Variants in BNC2 observed in about 807,000 individuals in gnomAD.
The protein encoded by BNC2 is basonuclin zinc finger protein 2.
Under a neutral mutation model 76.3 loss-of-function variants are expected in BNC2, and 20 were observed. The ratio of observed to expected loss-of-function variants is 0.26; its 90% confidence interval spans 0.18 to 0.38. The LOEUF (loss-of-function observed/expected upper bound fraction) is 0.38. Among genes scored for constraint, BNC2 ranks in the 10% least tolerant of loss-of-function variants. BNC2 has a pLI of 1.00. For missense variants in BNC2, 1,382 were observed against 1,399.8 expected (o/e 0.99, Z 0.20); for synonymous variants, 582 against 514.8 (o/e 1.13, Z -1.77).
In BNC2 at chr9:16,538,612, C is replaced by T. The variant is rs564573724; in HGVS notation, c.669+13918G>A. ...TTTAAGGAATGGGAAGGAAATATAT[C>T]TTTTGCTGCTTACCTTCTATAATCT... On this transcript the variant is annotated intron_variant, in intron 5 of 6. Coordinates refer to ENST00000380672, the MANE Select transcript of BNC2 (RefSeq NM_017637.6). 2.6e-5 allele frequency among the ~76,000 whole-genome samples: 4 copies of T among 152,140 alleles called. No homozygotes were observed. The South Asian group carries it at 8.3e-4, about 31-fold the overall frequency.
At chr9:16,558,933 C>CAAAAAA (rs574756487) in intron 4 of BNC2, among the ~76,000 whole-genome samples, 2 of 81,226 alleles carry the variant, frequency 2.5e-5, no homozygotes, top group African/African-American at 8.7e-5. Context: ...GACTCCGTCT[C>CAAAAAA]AAAAAAAAAA....
Position 16,485,549 on chromosome 9 carries a change from C to T in BNC2, c.670-48025G>A, listed in dbSNP as rs542494920. On this transcript the variant is annotated intron_variant, in intron 5 of 6. Transcript: ENST00000380672. ...AGGGATCATATAGGCTCTGTCAGGG[C>T]CGGTCCTCCACCCCACTGGGCTCAT... is the stretch of plus-strand genomic sequence containing the variant. Among the ~76,000 whole-genome samples, 18 of 152,310 alleles carry T rather than the reference C, an allele frequency of 1.2e-4. No homozygotes were observed. In the East Asian group the frequency reaches 3.5e-3, roughly 29 times the overall value.
At chr9:16,471,473 T>C (rs977863506) in intron 5 of BNC2, among the ~76,000 whole-genome samples, 2 of 152,104 alleles carry the variant, frequency 1.3e-5, no homozygotes, top group African/African-American at 4.8e-5. Flanking sequence ...TTTGTAGTTT[T>C]AGTAGAGACA....
intron 3 of BNC2, among the ~76,000 whole-genome samples, chr9:16,680,285 T>C (rs892803414): frequency 1.3e-5 from 2 of 152,168 alleles, no homozygotes; most frequent in South Asian, 2.1e-4. Flanking sequence ...AAAACAGGCT[T>C]CACACTTTTT....
Position 16,640,725 on chromosome 9 carries a change from C to G in BNC2, c.331-57640G>C, listed in dbSNP as rs561321543. Among the ~76,000 whole-genome samples, 4 of 152,194 alleles carry G rather than the reference C, an allele frequency of 2.6e-5. No individual in the cohort carries two copies. The East Asian group carries it at 7.7e-4, about 29-fold the overall frequency. On this transcript the variant is annotated intron_variant, in intron 3 of 6. Transcript: ENST00000380672. Reference sequence around the variant, plus strand: ...CCCTATACACCCTTCAGAAATACCCCAACAGGAGGCATCAAATTTGTAAAC... The same window carrying G: ...CCCTATACACCCTTCAGAAATACCCGAACAGGAGGCATCAAATTTGTAAAC...
intron 3 of BNC2, among the ~76,000 whole-genome samples, chr9:16,683,297 C>A (rs1822879447): frequency 6.6e-6 from 1 of 152,146 alleles, no homozygotes; most frequent in African/African-American, 2.4e-5. Flanking sequence ...GGGGCTCCAC[C>A]AGTCATGAGA....
chr9:16,544,729 G>A (rs1007174535), intron 5 of BNC2, among the ~76,000 whole-genome samples: 3 of 150,166 alleles, frequency 2.0e-5, no homozygotes, highest in Non-Finnish European at 2.9e-5. Flanking sequence ...AGAATCACCC[G>A]AATCCAGGAG....
At chr9:16,706,139 C>T (rs1343935319) in intron 3 of BNC2, among the ~76,000 whole-genome samples, 1 of 152,154 alleles carries the variant, frequency 6.6e-6, no homozygotes, top group East Asian at 1.9e-4. Flanking sequence ...TAACCAATCA[C>T]AACAGTACTA....
intron 1 of BNC2, among the ~76,000 whole-genome samples, chr9:16,751,614 A>ATATATGTATG (rs1347237569): frequency 3.6e-4 from 32 of 87,768 alleles, no homozygotes; most frequent in African/African-American, 4.3e-4. Context: ...AAATATATAT[A>ATATATGTATG]TGTGTATATA....
At chr9:16,780,325 G>A (rs1826115958) in intron 1 of BNC2, among the ~76,000 whole-genome samples, 1 of 149,140 alleles carries the variant, frequency 6.7e-6, no homozygotes, top group Non-Finnish European at 1.5e-5. Context: ...TGTAATCCCA[G>A]CACTGTGGGA....
chr9:16,566,830 T>C (rs143553041), intron 4 of BNC2, among the ~76,000 whole-genome samples: 13 of 152,312 alleles, frequency 8.5e-5, no homozygotes, highest in African/African-American at 2.6e-4. Context: ...ATTTTTCTTT[T>C]GTAAAAGACC....
chr9:16,800,488 G>C (rs537181960), intron 1 of BNC2, among the ~76,000 whole-genome samples: 5 of 152,086 alleles, frequency 3.3e-5, no homozygotes, highest in East Asian at 1.9e-4. Context: ...AAAAAAAATA[G>C]AGACTTAAAT....
At chr9:16,826,134 T>C (rs1429301607) in intron 1 of BNC2, among the ~76,000 whole-genome samples, 4 of 152,028 alleles carry the variant, frequency 2.6e-5, no homozygotes, top group Non-Finnish European at 1.5e-5. Context: ...CTTACCACCA[T>C]GCACAGCTAA....
chr9:16,506,673 C>G (rs901763137), intron 5 of BNC2, among the ~76,000 whole-genome samples: 9 of 143,700 alleles, frequency 6.3e-5, no homozygotes, highest in Non-Finnish European at 6.1e-5. Flanking sequence ...TTACAGTCAC[C>G]CGCCACCACA....
rs1376639790 is a variant in BNC2 at position 16,552,876 on chromosome 9, A to G, written c.434-111T>C. 1.1e-5 allele frequency: 9 copies of G among 851,906 alleles called. No homozygotes were observed. The Admixed American group carries it at 1.2e-4, about 12-fold the overall frequency. The allele number at this position is 851,906 out of a possible 1,614,324, so 52.8% of individuals were successfully genotyped here. A position where few individuals can be genotyped will look rare whatever the true frequency, so the allele number is the denominator to read the frequency against. On this transcript the variant is annotated intron_variant, in intron 4 of 6. Transcript: ENST00000380672. ...AGTTACCAGGGCTCCATTTCTACAC[A>G]TGAATGTTCGCCATAGGTGTTTAAG...
chr9:16,668,821 A>G (rs531649428), intron 3 of BNC2, among the ~76,000 whole-genome samples: 1 of 152,298 alleles, frequency 6.6e-6, no homozygotes, highest in South Asian at 2.1e-4. Flanking sequence ...AGAGCTACAA[A>G]TACGGTTTTA....
intron 1 of BNC2, among the ~76,000 whole-genome samples, chr9:16,766,706 C>CT (rs1258941324): frequency 2.0e-5 from 3 of 152,228 alleles, no homozygotes; most frequent in Non-Finnish European, 4.4e-5. Flanking sequence ...TAAACATCTT[C>CT]TACTTTTACC....
At chr9:16,773,925 T>C (rs759031470) in intron 1 of BNC2, among the ~76,000 whole-genome samples, 2 of 152,324 alleles carry the variant, frequency 1.3e-5, no homozygotes, top group African/African-American at 4.8e-5. Flanking sequence ...AGCTGTCATA[T>C]AGAAAAAACT....
intron 5 of BNC2, among the ~76,000 whole-genome samples, chr9:16,541,590 G>A (rs1818322563): frequency 6.6e-6 from 1 of 152,144 alleles, no homozygotes; most frequent in South Asian, 2.1e-4. Flanking sequence ...CTCTTTCCAG[G>A]GGAATTTAAG....
Sources: allele counts gnomAD v4.1 joint callset (sites outside exome capture counted in the v4.1 genomes callset), GRCh38; gene constraint gnomAD v4.1.1; transcripts MANE v1.5; gene names NCBI Gene and HGNC (gene_info 2026-07-23, HGNC 2026-07-21).